DGKG: variants seen among roughly 807,000 people sequenced by gnomAD.
DGKG encodes DAG kinase gamma.
DGKG carries 78 observed loss-of-function variants against 105.3 expected under a neutral mutation model. The ratio of observed to expected loss-of-function variants is 0.74; its 90% CI spans 0.62 to 0.89. The LOEUF (loss-of-function observed/expected upper bound fraction) is 0.89. DGKG is among the 40% of genes least tolerant of loss of function. The pLI, the probability that DGKG is intolerant of heterozygous loss-of-function variation, is 0.00. For synonymous variants in DGKG, 346 were observed against 367.1 expected (o/e 0.94, Z 0.66); for missense variants, 958 against 1,020.1 (o/e 0.94, Z 0.83).
intron 22 of DGKG, among the ~76,000 whole-genome samples, chr3:186,173,913 C>T (rs1480247569): frequency 6.6e-6 from 1 of 152,212 alleles, no homozygotes; most frequent in East Asian, 1.9e-4. Context: ...ACCAGGCCTT[C>T]AGGCATCCCA....
chr3:186,205,164 G>A (rs140769748), intron 21 of DGKG, among the ~76,000 whole-genome samples: 15 of 151,882 alleles, frequency 9.9e-5, no homozygotes, highest in African/African-American at 3.6e-4. Context: ...GACTGAGGCG[G>A]GAGAATCACT....
intron 16 of DGKG, among the ~76,000 whole-genome samples, chr3:186,259,733 G>T (rs1020360060): frequency 1.3e-5 from 2 of 151,976 alleles, no homozygotes; most frequent in East Asian, 3.9e-4. Context: ...GCACCGGCCC[G>T]GACTGGGAGG....
chr3:186,274,382 T>G (rs1722477785), intron 10 of DGKG, among the ~76,000 whole-genome samples: 1 of 151,930 alleles, frequency 6.6e-6, no homozygotes, highest in Admixed American at 6.5e-5. Flanking sequence ...TATTTTTTAT[T>G]TTTTTATTTT....
intron 1 of DGKG, among the ~76,000 whole-genome samples, chr3:186,323,261 CT>C (rs1314997517): frequency 2.0e-5 from 3 of 152,296 alleles, no homozygotes; most frequent in Admixed American, 6.5e-5. Context: ...CTTTAGAAAC[CT>C]TTGCCATCGT....
At chr3:186,160,851 G>T (rs754274586) in intron 24 of DGKG, 3 of 985,218 alleles carry the variant, frequency 3.0e-6, no homozygotes, top group Non-Finnish European at 3.6e-6. Context: ...AGGATGCATG[G>T]CTCCTGTCCT....
intron 24 of DGKG, chr3:186,160,331 A>C: frequency 7.1e-6 from 7 of 984,954 alleles, no homozygotes; most frequent in Non-Finnish European, 8.4e-6. Context: ...GATTTCTTCC[A>C]CCTTTTTTTT....
intron 21 of DGKG, among the ~76,000 whole-genome samples, chr3:186,192,557 C>T (rs1347324275): frequency 1.3e-5 from 2 of 152,070 alleles, no homozygotes; most frequent in African/African-American, 2.4e-5. Context: ...GCATTGCTAC[C>T]CCCAACTGAC....
intron 21 of DGKG, among the ~76,000 whole-genome samples, chr3:186,201,242 G>A (rs1428508808): frequency 1.3e-5 from 2 of 152,004 alleles, no homozygotes; most frequent in Non-Finnish European, 2.9e-5. Context: ...GGGAAGCTGA[G>A]GCCAACCTGG....
At chr3:186,280,013 T>C (rs148810584) in intron 8 of DGKG, 40 bp from the exon 9 acceptor site, 59 of 1,611,562 alleles carry the variant, frequency 3.7e-5, no homozygotes, top group Non-Finnish European at 4.8e-5. Flanking sequence ...ATTTTCATCA[T>C]CGACATGTCT....
intron 14 of DGKG, among the ~76,000 whole-genome samples, chr3:186,263,611 G>T (rs1268217778): frequency 1.3e-5 from 2 of 151,254 alleles, no homozygotes; most frequent in African/African-American, 4.9e-5. Context: ...GCAAACAAAC[G>T]CACCATGTAC....
intron 1 of DGKG, among the ~76,000 whole-genome samples, chr3:186,340,227 T>C (rs888071874): frequency 8.5e-5 from 13 of 152,222 alleles, no homozygotes; most frequent in African/African-American, 3.1e-4. Flanking sequence ...CAAAACATTG[T>C]AAATTTTCAC....
chr3:186,248,035 AC>A (rs1721030389), intron 19 of DGKG, among the ~76,000 whole-genome samples: 2 of 145,388 alleles, frequency 1.4e-5, no homozygotes, highest in Non-Finnish European at 3.0e-5. Context: ...CTTTTTTCCT[AC>A]TTTTTTTGCT....
intron 20 of DGKG, among the ~76,000 whole-genome samples, chr3:186,229,343 T>C (rs542309006): frequency 1.2e-4 from 18 of 151,792 alleles, no homozygotes; most frequent in Middle Eastern, 3.4e-3. Context: ...CGGGTTCAAG[T>C]GATTCGCATG....
intron 22 of DGKG, 70 bp from the exon 23 acceptor site, chr3:186,165,088 G>A: frequency 1.3e-6 from 2 of 1,530,128 alleles, no homozygotes; most frequent in Non-Finnish European, 1.8e-6. Flanking sequence ...TGGCCAGAAA[G>A]TCTGGTCCCC....
intron 21 of DGKG, among the ~76,000 whole-genome samples, chr3:186,207,781 G>T (rs527239627): frequency 1.2e-4 from 19 of 152,322 alleles, no homozygotes. Context: ...TGAGTCACAG[G>T]CAGGGCCAGG....
chr3:186,239,284 G>C (rs561430861), intron 20 of DGKG, among the ~76,000 whole-genome samples: 11 of 152,170 alleles, frequency 7.2e-5, no homozygotes, highest in African/African-American at 2.4e-4. Context: ...GTCCAAACCT[G>C]GGCAGTAATG....
At chr3:186,198,096 A>G (rs941648586) in intron 21 of DGKG, among the ~76,000 whole-genome samples, 2 of 152,210 alleles carry the variant, frequency 1.3e-5, no homozygotes, top group African/African-American at 4.8e-5. Flanking sequence ...GGTGTCCAAT[A>G]TAACTATTTG....
intron 24 of DGKG, among the ~76,000 whole-genome samples, chr3:186,155,996 T>C (rs1170293003): frequency 1.3e-5 from 2 of 152,204 alleles, no homozygotes; most frequent in Non-Finnish European, 2.9e-5. Context: ...GCATTGTTAG[T>C]ATTTTTTTTT....
At chr3:186,221,802 G>A (rs1368333430) in intron 20 of DGKG, among the ~76,000 whole-genome samples, 1 of 152,196 alleles carries the variant, frequency 6.6e-6, no homozygotes, top group Non-Finnish European at 1.5e-5. Flanking sequence ...AGACTAAAAG[G>A]TGGAACTGTC....
Sources: allele counts gnomAD v4.1 joint callset (sites outside exome capture counted in the v4.1 genomes callset), GRCh38; gene constraint gnomAD v4.1.1; transcripts MANE v1.5; gene names NCBI Gene and HGNC (gene_info 2026-07-23, HGNC 2026-07-21).